Variants in METTL8 observed in about 807,000 individuals in gnomAD.
METTL8 encodes methyltransferase 8, tRNA N3-cytidine.
In METTL8, 32 loss-of-function variants were observed where a neutral mutation model predicts 48.7. The observed-to-expected ratio is 0.66, with a 90% CI of 0.50 to 0.88. METTL8 has a LOEUF of 0.88. METTL8 is among the 40% of genes least tolerant of loss of function. The probability of loss-of-function intolerance (pLI) is 0.00; values close to 1 mark genes in which losing one functional copy is unlikely to be tolerated. For synonymous variants in METTL8, 136 were observed against 157.1 expected, an observed-to-expected ratio of 0.87 and a Z score of 1.01; for missense variants, 464 against 474.4, an observed-to-expected ratio of 0.98 and a Z score of 0.20.
chr2:171,343,869 T>C (rs1474431747), intron 3 of METTL8, among the ~76,000 whole-genome samples: 2 of 152,216 alleles, frequency 1.3e-5, no homozygotes, highest in African/African-American at 4.8e-5. Context: ...GTTTTAAACA[T>C]GAGTCTGTAC....
At chr2:171,360,648 C>T (rs748084101) in intron 2 of METTL8, 135 bp from the exon 3 acceptor site, 82 of 705,854 alleles carry the variant, frequency 1.2e-4, no homozygotes, top group Non-Finnish European at 1.7e-4. Flanking sequence ...GGAATGAATA[C>T]ATTTTGTGTA....
At chr2:171,377,534 C>G (rs1234953886) in intron 2 of METTL8, among the ~76,000 whole-genome samples, 1 of 151,854 alleles carries the variant, frequency 6.6e-6, no homozygotes, top group Non-Finnish European at 1.5e-5. Context: ...CTCAAATCAG[C>G]AAGAAATAAA....
At chr2:171,340,867 G>T (rs942085946) in intron 3 of METTL8, among the ~76,000 whole-genome samples, 6 of 152,036 alleles carry the variant, frequency 3.9e-5, no homozygotes, top group Non-Finnish European at 7.4e-5. Context: ...AACCTCCAAG[G>T]CATCTCTTCC....
chr2:171,367,404 G>A lies in METTL8; in HGVS notation c.144-6891C>T, dbSNP rs558229104. On this transcript the variant is annotated intron_variant, in intron 2 of 9. Transcript: ENST00000375258. ...GTCAGCATAGGGGGATGGGAGGGAT[G>A]TGTCAACCTTGAATTTCACATGCAG... Among the ~76,000 whole-genome samples, 118 of 152,300 alleles carry A rather than the reference G, an allele frequency of 7.7e-4. 1 individual carries two copies. The highest frequency in any genetic ancestry group is 6.8e-3 in the Middle Eastern group (2 of 292).
chr2:171,359,929 A>G (rs946515558), intron 3 of METTL8, among the ~76,000 whole-genome samples: 1 of 152,146 alleles, frequency 6.6e-6, no homozygotes, highest in Non-Finnish European at 1.5e-5. Context: ...AATTTTTTAA[A>G]AGCCATTTAT....
At chr2:171,342,398 G>T (rs1413912406) in intron 3 of METTL8, among the ~76,000 whole-genome samples, 1 of 152,146 alleles carries the variant, frequency 6.6e-6, no homozygotes, top group Admixed American at 6.5e-5. Context: ...CCTATTTATG[G>T]TTGATCTGAA....
intron 2 of METTL8, among the ~76,000 whole-genome samples, chr2:171,373,745 C>T (rs1392285899): frequency 6.6e-6 from 1 of 152,094 alleles, no homozygotes; most frequent in Non-Finnish European, 1.5e-5. Context: ...GAATCCTTTC[C>T]CCATTTCTTG....
At chr2:171,341,100 C>A (rs544369205) in intron 3 of METTL8, among the ~76,000 whole-genome samples, 3 of 151,968 alleles carry the variant, frequency 2.0e-5, no homozygotes, top group Admixed American at 1.3e-4. Context: ...GAGGCCGAGG[C>A]GGGCGGATCA....
intron 2 of METTL8, among the ~76,000 whole-genome samples, chr2:171,370,777 T>G (rs190790916): frequency 0.019 from 2,900 of 152,070 alleles, 91 homozygotes; most frequent in African/African-American, 0.066. Context: ...GGCAACAGAG[T>G]GAGACTCCGT....
At chr2:171,368,709 C>T (rs1685973673) in intron 2 of METTL8, among the ~76,000 whole-genome samples, 1 of 152,048 alleles carries the variant, frequency 6.6e-6, no homozygotes, top group Non-Finnish European at 1.5e-5. Flanking sequence ...AAGGATCTAT[C>T]CAAAGTGCAA....
intron 1 of METTL8, among the ~76,000 whole-genome samples, chr2:171,411,596 T>A (rs1690755294): frequency 6.6e-6 from 1 of 152,186 alleles, no homozygotes; most frequent in Non-Finnish European, 1.5e-5. Context: ...TTCAAAGATG[T>A]ATATTAAGAA....
At chr2:171,422,594 G>A (rs992535482) in intron 1 of METTL8, among the ~76,000 whole-genome samples, 9 of 152,096 alleles carry the variant, frequency 5.9e-5, no homozygotes, top group Admixed American at 3.9e-4. Context: ...GGAGAAACAT[G>A]CAGAAACATT....
intron 1 of METTL8, among the ~76,000 whole-genome samples, chr2:171,392,543 AT>A (rs1688673442): frequency 6.6e-6 from 1 of 152,094 alleles, no homozygotes; most frequent in East Asian, 1.9e-4. Flanking sequence ...AAGTAATTTT[AT>A]TTTTTGGGGG....
intron 5 of METTL8, among the ~76,000 whole-genome samples, chr2:171,336,717 T>C (rs561588943): frequency 1.3e-5 from 2 of 152,248 alleles, no homozygotes; most frequent in South Asian, 4.1e-4. Context: ...GGGTGTTGCT[T>C]CAGAAGGGAT....
chr2:171,429,504 C>A (rs1692760610), intron 1 of METTL8, among the ~76,000 whole-genome samples: 1 of 152,180 alleles, frequency 6.6e-6, no homozygotes, highest in Non-Finnish European at 1.5e-5. Flanking sequence ...CAACTAAAGT[C>A]TCATTGCTCA....
At chr2:171,358,339 A>G (rs1004268367) in intron 3 of METTL8, among the ~76,000 whole-genome samples, 8 of 151,484 alleles carry the variant, frequency 5.3e-5, no homozygotes, top group Admixed American at 2.0e-4. Flanking sequence ...CAACAGAGCA[A>G]AACTCCGTCT....
chr2:171,338,271 T>C (rs958520876), intron 4 of METTL8, among the ~76,000 whole-genome samples: 1 of 152,136 alleles, frequency 6.6e-6, no homozygotes, highest in Non-Finnish European at 1.5e-5. Context: ...TTTTTAAAGA[T>C]AGTGAAAACT....
chr2:171,339,314 C>A lies in METTL8; in HGVS notation c.476G>T (p.Ser159Ile). ...VPDEKNHYEKSSGSSEGQSKT... is the reference protein window; with the variant it reads ...VPDEKNHYEKISGSSEGQSKT... The stretch of plus-strand genomic sequence containing the variant: ...GCTTTGACCTTCTGAAGAACCAGAA[C>A]TTTTCTCATAATGATTTTTTTCATC... Residue 159 changes from serine to isoleucine, a missense_variant, in exon 4 of 10, where the codon AGT becomes ATT. Physicochemically the swap from Ser to Ile is moderately radical, Grantham distance 142 (BLOSUM62 -2). Transcript: ENST00000375258. The A allele has an allele frequency of 6.2e-7, 1 of 1,613,034 alleles. No individual in the cohort carries two copies. The highest frequency in any genetic ancestry group is 8.5e-7 in the Non-Finnish European group (1 of 1,179,360).
At chr2:171,341,814 G>T (rs138885225) in intron 3 of METTL8, among the ~76,000 whole-genome samples, 2 of 147,760 alleles carry the variant, frequency 1.4e-5, no homozygotes, top group African/African-American at 5.1e-5. Context: ...CGCATGTATG[G>T]TTACATAGAA....
Sources: gnomAD v4.1 joint callset for allele counts (sites outside exome capture counted in the v4.1 genomes callset) on GRCh38, gnomAD v4.1.1 for gene constraint, MANE v1.5 for transcripts, NCBI Gene and HGNC (gene_info 2026-07-23, HGNC 2026-07-21) for gene names.